PDE1C: variants seen among roughly 807,000 people sequenced by gnomAD.
PDE1C encodes the protein dual specificity calcium/calmodulin-dependent 3',5'-cyclic nucleotide phosphodiesterase 1C.
Under a neutral mutation model 93.1 loss-of-function variants are expected in PDE1C, and 62 were observed. The observed-to-expected ratio is 0.67, with a 90% CI of 0.54 to 0.82. The LOEUF is 0.82. PDE1C is among the 40% of genes least tolerant of loss of function. The pLI is 0.00. For synonymous variants in PDE1C, 325 were observed against 310.1 expected (o/e 1.05, Z -0.50); for missense variants, 742 against 884.6 (o/e 0.84, Z 2.04).
intron 1 of PDE1C, among the ~76,000 whole-genome samples, chr7:32,059,705 CCAAA>C (rs1794570003): frequency 6.6e-6 from 1 of 152,074 alleles, no homozygotes; most frequent in African/African-American, 2.4e-5. Context: ...TTTTAGCAAA[CCAAA>C]CACAATTTCC....
At chr7:32,284,617 G>T (rs1386626672) in intron 1 of PDE1C, among the ~76,000 whole-genome samples, 1 of 152,074 alleles carries the variant, frequency 6.6e-6, no homozygotes, top group Non-Finnish European at 1.5e-5. Context: ...CTTATACATG[G>T]TGTTTTCTCT....
intron 3 of PDE1C, among the ~76,000 whole-genome samples, chr7:32,116,813 T>C (rs895532319): frequency 2.0e-5 from 3 of 152,226 alleles, no homozygotes; most frequent in African/African-American, 4.8e-5. Flanking sequence ...TACAAATTTA[T>C]GGAATTATAA....
At chr7:31,619,263 T>G in the PDE1C span, among the ~76,000 whole-genome samples, 1 of 152,172 alleles carries the variant, frequency 6.6e-6, no homozygotes, top group Non-Finnish European at 1.5e-5. Flanking sequence ...ACTAGATTTC[T>G]GGGTAAACTC....
intron 2 of PDE1C, among the ~76,000 whole-genome samples, chr7:31,903,427 C>T (rs1472786706): frequency 6.6e-6 from 1 of 151,748 alleles, no homozygotes; most frequent in African/African-American, 2.4e-5. Flanking sequence ...TTTTTATAAC[C>T]TTAAGAACAA....
intron 3 of PDE1C, among the ~76,000 whole-genome samples, chr7:32,106,144 T>A (rs1258063011): frequency 6.6e-6 from 1 of 152,184 alleles, no homozygotes; most frequent in Non-Finnish European, 1.5e-5. Context: ...TCTGAGTAGC[T>A]GAGACTTGCA....
intron 2 of PDE1C, among the ~76,000 whole-genome samples, chr7:31,961,562 G>A (rs1222188818): frequency 3.3e-5 from 5 of 152,054 alleles, no homozygotes; most frequent in Admixed American, 2.6e-4. Flanking sequence ...GAACACTGGG[G>A]CAACATGAGA....
chr7:32,029,835 C>T (rs2128633124), intron 2 of PDE1C, among the ~76,000 whole-genome samples: 2 of 152,190 alleles, frequency 1.3e-5, no homozygotes, highest in South Asian at 4.1e-4. Context: ...TACATTTGTG[C>T]ATTTTAAAGA....
At chr7:32,027,453 T>C (rs1288432127) in intron 2 of PDE1C, among the ~76,000 whole-genome samples, 1 of 151,952 alleles carries the variant, frequency 6.6e-6, no homozygotes, top group Non-Finnish European at 1.5e-5. Flanking sequence ...TGTGCTTATA[T>C]GTGTGTTTAA....
At chr7:32,010,455 G>C (rs1404249839) in intron 2 of PDE1C, among the ~76,000 whole-genome samples, 5 of 152,128 alleles carry the variant, frequency 3.3e-5, no homozygotes, top group African/African-American at 1.2e-4. Flanking sequence ...TTTCCATATT[G>C]AGTTTCAAAC....
intron 2 of PDE1C, among the ~76,000 whole-genome samples, chr7:31,910,389 A>G (rs1801076914): frequency 6.6e-6 from 1 of 152,122 alleles, no homozygotes; most frequent in African/African-American, 2.4e-5. Context: ...TGTTCCTCCA[A>G]CTGCTGAACA....
intron 2 of PDE1C, among the ~76,000 whole-genome samples, chr7:31,962,695 A>C (rs934915264): frequency 1.3e-5 from 2 of 152,222 alleles, no homozygotes; most frequent in Non-Finnish European, 2.9e-5. Flanking sequence ...TGAAATGGAC[A>C]CAGAACATCA....
intron 9 of PDE1C, among the ~76,000 whole-genome samples, chr7:31,845,909 C>T (rs924277842): frequency 2.0e-5 from 3 of 152,010 alleles, no homozygotes; most frequent in African/African-American, 7.2e-5. Context: ...AGGAGAATCG[C>T]TTGAATTTGG....
At chr7:32,250,686 C>T (rs947755902) in intron 1 of PDE1C, among the ~76,000 whole-genome samples, 5 of 152,216 alleles carry the variant, frequency 3.3e-5, no homozygotes, top group African/African-American at 4.8e-5. Flanking sequence ...AGCAACAGCG[C>T]ACAGCCCCAC....
chr7:32,385,591 T>C (rs993197488), intron 1 of PDE1C, among the ~76,000 whole-genome samples: 8 of 152,150 alleles, frequency 5.3e-5, no homozygotes, highest in African/African-American at 1.9e-4. Context: ...TGGGTTTTTG[T>C]TCCGCTGAAA....
chr7:31,827,790 T>C (rs182571844), intron 12 of PDE1C, among the ~76,000 whole-genome samples: 161 of 152,154 alleles, frequency 1.1e-3, no homozygotes, highest in African/African-American at 3.7e-3. Flanking sequence ...AAAGTTATTC[T>C]TACCTTAAAA....
chr7:31,783,712 C>T (rs573729272), intron 16 of PDE1C: 1 of 152,112 alleles, frequency 6.6e-6, no homozygotes, highest in East Asian at 1.9e-4. Flanking sequence ...TACATGAATC[C>T]TTATGATTTA....
chr7:32,230,520 C>G (rs893123351), intron 1 of PDE1C, among the ~76,000 whole-genome samples: 1 of 152,108 alleles, frequency 6.6e-6, no homozygotes. Flanking sequence ...GTAACCACCA[C>G]CCCCACTCCC....
At chr7:31,945,730 G>T (rs59764228) in intron 2 of PDE1C, among the ~76,000 whole-genome samples, 2 of 151,960 alleles carry the variant, frequency 1.3e-5, no homozygotes, top group African/African-American at 2.4e-5. Flanking sequence ...GTTTTAAAAC[G>T]TTCTCAGCTA....
At chr7:31,844,994 T>C (rs1792375243) in intron 9 of PDE1C, among the ~76,000 whole-genome samples, 1 of 152,114 alleles carries the variant, frequency 6.6e-6, no homozygotes, top group Non-Finnish European at 1.5e-5. Context: ...TTCTAAACTT[T>C]GTTTTTAATT....
Sources: gnomAD v4.1 joint callset for allele counts (sites outside exome capture counted in the v4.1 genomes callset) on GRCh38, gnomAD v4.1.1 for gene constraint, MANE v1.5 for transcripts, NCBI Gene and HGNC (gene_info 2026-07-23, HGNC 2026-07-21) for gene names.